CRPPA: variants seen among roughly 807,000 people sequenced by gnomAD.
CRPPA encodes the protein CDP-L-ribitol pyrophosphorylase A, also known as D-ribitol-5-phosphate cytidylyltransferase.
Under a neutral mutation model 52.0 loss-of-function variants are expected in CRPPA, and 43 were observed. The observed-to-expected ratio is 0.83, with a 90% CI of 0.65 to 1.07. The LOEUF is 1.07. Among genes scored for constraint, CRPPA ranks in the 50% least tolerant of loss-of-function variants. The pLI, the probability that CRPPA is intolerant of heterozygous loss-of-function variation, is 0.00. For missense variants in CRPPA, 629 were observed against 551.7 expected (o/e 1.14, Z -1.40); for synonymous variants, 250 against 203.5 (o/e 1.23, Z -1.94).
intron 8 of CRPPA, among the ~76,000 whole-genome samples, chr7:16,228,809 T>C (rs1250314292): frequency 6.6e-6 from 1 of 152,016 alleles, no homozygotes; most frequent in Non-Finnish European, 1.5e-5. Context: ...ATGTCTGTTA[T>C]GTCTATTTGA....
chr7:16,290,375 A>C (rs186776592), intron 5 of CRPPA, among the ~76,000 whole-genome samples: 3 of 152,242 alleles, frequency 2.0e-5, no homozygotes, highest in Non-Finnish European at 4.4e-5. Context: ...ACAAAGCTAG[A>C]TGCATCATAC....
At chr7:16,249,286 C>T (rs1431197417) in intron 8 of CRPPA, among the ~76,000 whole-genome samples, 1 of 152,164 alleles carries the variant, frequency 6.6e-6, no homozygotes, top group African/African-American at 2.4e-5. Flanking sequence ...GGGGAAGGGG[C>T]AGCTGTGGGC....
chr7:16,114,461 C>A (rs1260628063), intron 9 of CRPPA, among the ~76,000 whole-genome samples: 1 of 151,814 alleles, frequency 6.6e-6, no homozygotes, highest in Non-Finnish European at 1.5e-5. Flanking sequence ...CAACTAAGGG[C>A]AAACTGAAAA....
At chr7:16,347,013 G>A (rs1168521224) in intron 3 of CRPPA, among the ~76,000 whole-genome samples, 2 of 152,030 alleles carry the variant, frequency 1.3e-5, no homozygotes, top group African/African-American at 2.4e-5. Context: ...AAGAATTACT[G>A]TTTTATGCCA....
At chr7:16,388,698 A>C (rs1460526472) in intron 2 of CRPPA, among the ~76,000 whole-genome samples, 2 of 152,168 alleles carry the variant, frequency 1.3e-5, no homozygotes, top group Non-Finnish European at 2.9e-5. Context: ...AACATGGTGA[A>C]ATCCTGTCTC....
intron 3 of CRPPA, among the ~76,000 whole-genome samples, chr7:16,347,287 C>A (rs1312252510): frequency 2.6e-5 from 4 of 152,090 alleles, no homozygotes; most frequent in Non-Finnish European, 4.4e-5. Flanking sequence ...GTGATATTCC[C>A]CTTTTTCCTA....
intron 3 of CRPPA, among the ~76,000 whole-genome samples, chr7:16,374,580 C>A (rs1355871314): frequency 6.6e-6 from 1 of 152,212 alleles, no homozygotes; most frequent in Non-Finnish European, 1.5e-5. Context: ...GTATTTTCTG[C>A]ATGCATTCCT....
At chr7:16,114,669 G>A (rs1418566260) in intron 9 of CRPPA, among the ~76,000 whole-genome samples, 1 of 151,896 alleles carries the variant, frequency 6.6e-6, no homozygotes, top group East Asian at 1.9e-4. Context: ...CAAGGGAGAA[G>A]AAATATTTGG....
chr7:16,250,840 G>C (rs1287032096), intron 8 of CRPPA, among the ~76,000 whole-genome samples: 1 of 152,072 alleles, frequency 6.6e-6, no homozygotes, highest in Non-Finnish European at 1.5e-5. Context: ...TAACCAGCCA[G>C]AATCATAACG....
chr7:16,397,791 CAT>C (rs1787648112), intron 2 of CRPPA, among the ~76,000 whole-genome samples: 2 of 152,342 alleles, frequency 1.3e-5, no homozygotes, highest in Admixed American at 1.3e-4. Flanking sequence ...ACGTCACTGA[CAT>C]GATTGGCACG....
rs542494490 is a variant in CRPPA, at chr7:16,203,346, G to A, written c.1251+12720C>T. ...GGGTGGAGCTGACCTGGATCCAGGT[G>A]TGGACAAGTTAACTAGGCCTGAATG... On this transcript the variant is annotated intron_variant, in intron 9 of 9. Transcript: ENST00000407010. Among the ~76,000 whole-genome samples, 117 of 152,260 alleles carry A rather than the reference G, an allele frequency of 7.7e-4. 1 individual carries two copies. Among genetic ancestry groups the A allele is most frequent in the Middle Eastern group, 3.4e-3 (1 of 294 alleles).
intron 3 of CRPPA, among the ~76,000 whole-genome samples, chr7:16,350,193 T>C (rs1786111149): frequency 2.0e-5 from 3 of 152,034 alleles, no homozygotes; most frequent in Admixed American, 1.3e-4. Flanking sequence ...GACATTGTCA[T>C]ACAAAAGCTG....
chr7:16,108,439 A>G (rs1782198038), intron 9 of CRPPA, among the ~76,000 whole-genome samples: 1 of 151,972 alleles, frequency 6.6e-6, no homozygotes, highest in African/African-American at 2.4e-5. Flanking sequence ...ACCCAACAAC[A>G]GAGCACTTAA....
chr7:16,372,832 G>A (rs370582392), intron 3 of CRPPA, among the ~76,000 whole-genome samples: 1 of 152,194 alleles, frequency 6.6e-6, no homozygotes, highest in Non-Finnish European at 1.5e-5. Flanking sequence ...TTAAGGTAAA[G>A]AGGTGGAAAA....
chr7:16,252,502 T>C (rs1440762999), intron 8 of CRPPA, among the ~76,000 whole-genome samples: 2 of 152,074 alleles, frequency 1.3e-5, no homozygotes, highest in Non-Finnish European at 2.9e-5. Flanking sequence ...CAAGACTCAG[T>C]TTGCCAGTAT....
chr7:16,318,621 C>A (rs1197788177), intron 3 of CRPPA, among the ~76,000 whole-genome samples: 1 of 152,156 alleles, frequency 6.6e-6, no homozygotes, highest in Non-Finnish European at 1.5e-5. Flanking sequence ...TGTGAGAGCT[C>A]TGCTCCTTGG....
At chr7:16,398,931 C>A (rs1464584549) in intron 2 of CRPPA, among the ~76,000 whole-genome samples, 3 of 152,314 alleles carry the variant, frequency 2.0e-5, no homozygotes, top group African/African-American at 7.2e-5. Flanking sequence ...CGAGTCGTTA[C>A]TGACACGTGA....
intron 1 of CRPPA, among the ~76,000 whole-genome samples, chr7:16,411,747 G>A (rs1157574896): frequency 2.0e-5 from 3 of 152,038 alleles, no homozygotes; most frequent in Non-Finnish European, 4.4e-5. Flanking sequence ...ATATACTTCA[G>A]CTGTTTATTA....
At chr7:16,105,303 G>C (rs1782129110) in intron 9 of CRPPA, among the ~76,000 whole-genome samples, 1 of 152,142 alleles carries the variant, frequency 6.6e-6, no homozygotes, top group South Asian at 2.1e-4. Flanking sequence ...CAATGAGAAA[G>C]GTAAGAAGAA....
Sources: gnomAD v4.1 joint callset for allele counts (sites outside exome capture counted in the v4.1 genomes callset) on GRCh38, gnomAD v4.1.1 for gene constraint, MANE v1.5 for transcripts, NCBI Gene and HGNC (gene_info 2026-07-23, HGNC 2026-07-21) for gene names.